Variants in MCTS1 observed in about 807,000 individuals in gnomAD.
The protein encoded by MCTS1 is malignant T-cell-amplified sequence 1.
For synonymous variants in MCTS1, 26 were observed against 40.8 expected (o/e 0.64, Z 1.38); for missense variants, 55 against 128.6 (o/e 0.43, Z 2.77).
chrX:120,606,048 A>G, intron 2 of MCTS1, 31 bp from the exon 3 acceptor site: 1 of 876,603 alleles, frequency 1.1e-6, no homozygotes, highest in Non-Finnish European at 1.6e-6. Context: ...GAAAATATCT[A>G]ACTTGGTACT....
chrX:120,612,533 G>A lies in MCTS1; in HGVS notation c.*269G>A. 1 of 227,344 alleles carries A rather than the reference G, an allele frequency of 4.4e-6. No individual in the cohort carries two copies. The highest frequency in any genetic ancestry group is 7.9e-6 in the Non-Finnish European group (1 of 127,038). 18.7% of individuals were successfully genotyped at this position (227,344 alleles called of 1,213,427 possible). A position where few individuals can be genotyped will look rare whatever the true frequency, so the allele number is the denominator to read the frequency against. On this transcript the variant is annotated 3_prime_UTR_variant, in exon 6 of 6. Transcript: ENST00000371317. ...TAGGCTAATGATATAAGAGTGAAGA[G>A]CAGGACTTGGTCAATGGATTGCCAT...
intron 3 of MCTS1, among the ~76,000 whole-genome samples, chrX:120,607,106 T>A (rs772709202): frequency 1.2e-4 from 13 of 105,508 alleles, no homozygotes; most frequent in South Asian, 3.7e-4. Flanking sequence ...CATTTTTTTT[T>A]AAAATTGGGC....
Position 120,616,148 on chromosome X carries a change from T to C in MCTS1, c.*3884T>C, listed in dbSNP as rs1926845524. Among the ~76,000 whole-genome samples the C allele has an allele frequency of 8.9e-6, 1 of 112,680 alleles. No individual in the cohort carries two copies. The highest frequency in any genetic ancestry group is 3.5e-4 in the South Asian group (1 of 2,817). ...CCCAAGCAAAATGTCATAAATATTT[T>C]AACTTTGTTTGTCTAGGTTCCTTAA... On this transcript the variant is annotated 3_prime_UTR_variant, in exon 6 of 6. Transcript: ENST00000371317.
rs1444324657 is a variant in MCTS1 at position 120,613,303 on chromosome X, G to A, written c.*1039G>A. On this transcript the variant is annotated 3_prime_UTR_variant, in exon 6 of 6. Coordinates refer to ENST00000371317, the MANE Select transcript of MCTS1 (RefSeq NM_014060.3). The stretch of plus-strand genomic sequence containing the variant: ...AGTGATCAGCCTCCCAAAGTGCTGG[G>A]ATTATAGGCATGAGTCACCATGCCT... Among the ~76,000 whole-genome samples, 8 of 111,389 alleles carry A rather than the reference G, an allele frequency of 7.2e-5. No individual in the cohort carries two copies. The highest frequency in any genetic ancestry group is 5.8e-4 in the Admixed American group (6 of 10,415).
chrX:120,611,326 C>T (rs1021730133), intron 5 of MCTS1: 25 of 260,384 alleles, frequency 9.6e-5, no homozygotes, highest in Middle Eastern at 1.1e-3. Flanking sequence ...TATGTGTGTA[C>T]GTGGTACTTT....
In MCTS1 at chrX:120,613,089, G is replaced by A. The variant is rs1926743046; in HGVS notation, c.*825G>A. ...TTACAGGCACGTGCCACCATGCCCG[G>A]CTAATTTTGTATTTTTGGTAGAGAT... On this transcript the variant is annotated 3_prime_UTR_variant, in exon 6 of 6. Transcript: ENST00000371317. Among the ~76,000 whole-genome samples the A allele has an allele frequency of 9.1e-6, 1 of 109,931 alleles. No individual in the cohort carries two copies. Among genetic ancestry groups the A allele is most frequent in the Non-Finnish European group, 1.9e-5 (1 of 52,702 alleles).
At position 120,608,357 on chromosome X, in the gene MCTS1, T is replaced by C; in HGVS notation, c.395T>C (p.Val132Ala). The change falls in exon 4 of 6, where the codon GTT (valine) becomes GCT (alanine). Residue 132 changes from valine (V) to alanine (A), a missense_variant and splice_region_variant. By Grantham distance (64) the Val-to-Ala change is moderately conservative. Transcript: ENST00000371317. ...KLYPAAVDTI[V>A]AIMAEGKQHA... Reference sequence around the variant, plus strand: ...TACCCTGCTGCAGTAGATACCATTGTTGTATCCTTCCCAGGCTAAAACTGC... The same window carrying C: ...TACCCTGCTGCAGTAGATACCATTGCTGTATCCTTCCCAGGCTAAAACTGC... 1 of 1,183,011 alleles carries C rather than the reference T, an allele frequency of 8.5e-7. No homozygotes were observed. The highest frequency in any genetic ancestry group is 1.1e-6 in the Non-Finnish European group (1 of 879,296).
Position 120,617,438 on chromosome X carries a change from C to T in MCTS1, c.*5174C>T, listed in dbSNP as rs772591712. Among the ~76,000 whole-genome samples the T allele has an allele frequency of 2.9e-3, 329 of 111,750 alleles. No homozygotes were observed. Among genetic ancestry groups the T allele is most frequent in the Non-Finnish European group, 5.3e-3 (284 of 53,183 alleles). ...AACTCCTGACCTCAGGTGATGCACC[C>T]GCCTTGGCCTCCCAAAGTGCTGGGA... On this transcript the variant is annotated 3_prime_UTR_variant, in exon 6 of 6. Transcript: ENST00000371317.
In MCTS1 at chrX:120,617,083, C is replaced by T. The variant is rs1226162909; in HGVS notation, c.*4819C>T. ...GACTGTAAATCAACAGGCTAACGTT[C>T]AAAATATGGCAGACATCTTAATATC... On this transcript the variant is annotated 3_prime_UTR_variant, in exon 6 of 6. Transcript: ENST00000371317. Among the ~76,000 whole-genome samples the T allele has an allele frequency of 1.8e-5, 2 of 112,368 alleles. No individual in the cohort carries two copies. The highest frequency in any genetic ancestry group is 6.5e-5 in the African/African-American group (2 of 30,920).
intron 1 of MCTS1, 148 bp from the exon 2 acceptor site, chrX:120,605,259 T>A: frequency 5.8e-6 from 3 of 520,742 alleles, no homozygotes; most frequent in Non-Finnish European, 6.0e-6. Flanking sequence ...AGGGAGATGG[T>A]ATTTTTTTTT....
At chrX:120,609,175 AGT>A (rs1172040207) in intron 4 of MCTS1, among the ~76,000 whole-genome samples, 1 of 111,154 alleles carries the variant, frequency 9.0e-6, no homozygotes, top group Non-Finnish European at 1.9e-5. Context: ...CTACTTTTAG[AGT>A]GTGTTTATCT....
In MCTS1 at chrX:120,614,553, A is replaced by T. The variant is rs182217365; in HGVS notation, c.*2289A>T. Among the ~76,000 whole-genome samples the T allele has an allele frequency of 2.1e-4, 23 of 111,985 alleles. No individual in the cohort carries two copies. The East Asian group carries it at 6.2e-3, about 30-fold the overall frequency. On this transcript the variant is annotated 3_prime_UTR_variant, in exon 6 of 6. Coordinates refer to ENST00000371317, the MANE Select transcript of MCTS1 (RefSeq NM_014060.3). The stretch of plus-strand genomic sequence containing the variant: ...ATATTATTTATTCCTGGTCCACGAA[A>T]GTATAAATAGTCTCATCAGGAACTC...
At chrX:120,610,932 T>G in intron 4 of MCTS1, 79 bp from the exon 5 acceptor site, 1 of 1,049,269 alleles carries the variant, frequency 9.5e-7, no homozygotes, top group Non-Finnish European at 1.3e-6. Flanking sequence ...AGTAACATGA[T>G]CATTATTTGA....
At chrX:120,604,978 T>G (rs970342402) in intron 1 of MCTS1, 27 of 802,219 alleles carry the variant, frequency 3.4e-5, no homozygotes, top group Non-Finnish European at 4.5e-5. Flanking sequence ...CAGGGGCCGA[T>G]TTTCTATGTT....
Position 120,620,461 on chromosome X carries a change from CA to C in MCTS1, c.*8220del, listed in dbSNP as rs137943821. 862 of 52,306 alleles carry C rather than the reference CA, an allele frequency of 0.016. 19 individuals carry two copies. Among genetic ancestry groups the C allele is most frequent in the East Asian group, 0.047 (81 of 1,722 alleles). The allele number at this position is 52,306 out of a possible 1,213,427, so 4.3% of individuals were successfully genotyped here. ...TGAAATCCTGTCTCTACTAAAAATA[CA>C]AAAAAAAAAAAAAAAAAAAAAATTA... On this transcript the variant is annotated 3_prime_UTR_variant, in exon 6 of 6. Coordinates refer to ENST00000371317, the MANE Select transcript of MCTS1 (RefSeq NM_014060.3).
At chrX:120,610,044 G>A (rs1043843756) in intron 4 of MCTS1, among the ~76,000 whole-genome samples, 7 of 112,153 alleles carry the variant, frequency 6.2e-5, no homozygotes, top group Non-Finnish European at 1.1e-4. Flanking sequence ...CATTCAGGCC[G>A]GGTGTGGTGG....
rs1602613535 is a variant in MCTS1, at chrX:120,620,064, T to C, written c.*7800T>C. ...CGGTGGTTCACGCCTGTAATCCCAG[T>C]ACTTTGGGAGGCCAAGGTGGGCGGA... On this transcript the variant is annotated 3_prime_UTR_variant, in exon 6 of 6. Transcript: ENST00000371317. Among the ~76,000 whole-genome samples, 1 of 111,361 alleles carries C rather than the reference T, an allele frequency of 9.0e-6. No individual in the cohort carries two copies. Among genetic ancestry groups the C allele is most frequent in the East Asian group, 2.8e-4 (1 of 3,525 alleles).
chrX:120,604,150 G>A lies in MCTS1; in HGVS notation c.-87G>A. The A allele has an allele frequency of 9.1e-7, 1 of 1,102,701 alleles. No individual in the cohort carries two copies. The highest frequency in any genetic ancestry group is 1.2e-6 in the Non-Finnish European group (1 of 802,377). 90.9% of individuals were successfully genotyped at this position (1,102,701 alleles called of 1,213,427 possible). On this transcript the variant is annotated 5_prime_UTR_variant, in exon 1 of 6. It adds an upstream start codon to the 5' untranslated region. Transcript: ENST00000371317. ...CCGACTGTCAGTGCCGGCCTTCCTC[G>A]TGTGAGGGGATCTGCCGGACCCCTG...
chrX:120,606,850 A>G (rs1926552876), intron 3 of MCTS1, among the ~76,000 whole-genome samples: 1 of 102,983 alleles, frequency 9.7e-6, no homozygotes, highest in Admixed American at 1.1e-4. Context: ...GCATTCAGCT[A>G]GGTGCTGAGA....
Sources: gnomAD v4.1 joint callset for allele counts (sites outside exome capture counted in the v4.1 genomes callset) on GRCh38, gnomAD v4.1.1 for gene constraint, MANE v1.5 for transcripts, NCBI Gene and HGNC (gene_info 2026-07-23, HGNC 2026-07-21) for gene names.